The following UBR3 variants were observed in gnomAD, a reference collection of about 807,000 sequenced individuals.
UBR3 encodes the protein ubiquitin protein ligase E3 component n-recognin 3.
A neutral mutation model predicts 243.2 loss-of-function variants in UBR3; 85 were observed. That is an observed-to-expected ratio of 0.35 (90% CI 0.29 to 0.42). UBR3 has a LOEUF of 0.42. Ranked by LOEUF, UBR3 falls within the 10% of genes least tolerant of loss-of-function variation. The pLI, the probability that UBR3 is intolerant of heterozygous loss-of-function variation, is 1.00. For synonymous variants in UBR3, 748 were observed against 799.8 expected (o/e 0.94, Z 1.09); for missense variants, 1,686 against 2,300.8 (o/e 0.73, Z 5.47).
At chr2:169,853,949 C>G (rs908476867) in intron 1 of UBR3, among the ~76,000 whole-genome samples, 2 of 151,944 alleles carry the variant, frequency 1.3e-5, no homozygotes, top group Non-Finnish European at 2.9e-5. Flanking sequence ...CATGTTCTCA[C>G]TCATAAATGG....
At chr2:170,005,614 A>C (rs2089886809) in intron 27 of UBR3, among the ~76,000 whole-genome samples, 1 of 152,170 alleles carries the variant, frequency 6.6e-6, no homozygotes, top group Admixed American at 6.5e-5. Context: ...AGATGTTTAA[A>C]TTTAATATTT....
rs924962316 is a variant in UBR3, at chr2:169,907,588, T to C, written c.1779+1424T>C. Among the ~76,000 whole-genome samples, 4 of 152,122 alleles carry C rather than the reference T, an allele frequency of 2.6e-5. No homozygotes were observed. The South Asian group carries it at 8.3e-4, about 32-fold the overall frequency. ...TTTCGTGTTTCTAGACCCTTTCTAC[T>C]GTAATCTGTCTCAATACCAAAGTTA... On this transcript the variant is annotated intron_variant, in intron 10 of 38. Transcript: ENST00000272793.
At chr2:170,076,967 C>T (rs561834431) in intron 36 of UBR3, among the ~76,000 whole-genome samples, 21 of 152,294 alleles carry the variant, frequency 1.4e-4, no homozygotes, top group African/African-American at 3.9e-4. Flanking sequence ...CCAGGCAATG[C>T]GATAAGCCAC....
At chr2:169,970,350 T>G (rs2088064540) in intron 24 of UBR3, among the ~76,000 whole-genome samples, 1 of 149,122 alleles carries the variant, frequency 6.7e-6, no homozygotes, top group Admixed American at 6.7e-5. Context: ...TACTTTAAGT[T>G]CTAGGGTACA....
intron 1 of UBR3, among the ~76,000 whole-genome samples, chr2:169,834,970 A>C (rs1478140099): frequency 6.6e-5 from 10 of 152,226 alleles, no homozygotes; most frequent in Non-Finnish European, 1.5e-4. Flanking sequence ...GAATAGTCAA[A>C]TTCATACAGA....
At chr2:169,979,430 A>C (rs2088616635) in intron 24 of UBR3, among the ~76,000 whole-genome samples, 1 of 152,216 alleles carries the variant, frequency 6.6e-6, no homozygotes, top group Non-Finnish European at 1.5e-5. Context: ...ACTTATTTCC[A>C]CACAAAAAAT....
intron 25 of UBR3, among the ~76,000 whole-genome samples, chr2:169,993,472 AG>A (rs2089365431): frequency 1.3e-5 from 2 of 152,180 alleles, no homozygotes; most frequent in African/African-American, 2.4e-5. Context: ...CAGTTTCTCT[AG>A]CCCCTTTTTA....
chr2:170,068,490 A>T lies in UBR3; in HGVS notation c.5020-4938A>T, dbSNP rs114886937. 9.2e-3 allele frequency among the ~76,000 whole-genome samples: 1,404 copies of T among 152,210 alleles called. 24 individuals are homozygous for T. The highest frequency in any genetic ancestry group is 0.032 in the African/African-American group (1,314 of 41,532). ...CTCAAAAAAATTAAAAAATGAACGA[A>T]CGCATAAAAATTAAAAAGAAGAAAG... On this transcript the variant is annotated intron_variant, in intron 35 of 38. Transcript: ENST00000272793.
At position 169,872,277 on chromosome 2, in the gene UBR3, C is replaced by T; in HGVS notation, c.587C>T (p.Pro196Leu). The T allele has an allele frequency of 6.5e-7, 1 of 1,535,020 alleles. No individual in the cohort carries two copies. Among genetic ancestry groups the T allele is most frequent in the African/African-American group, 1.4e-5 (1 of 72,582 alleles). ...RHQIKSSSNI[P>L]CVPKDLLMMS... is the part of the protein sequence containing the mutation. ...CAAATTAAATCAAGTTCAAATATTC[C>T]CTGTGTCCCTAAAGACTTACTGATG... The change falls in exon 2 of 39, where the codon CCC becomes CTC. Residue 196 changes from proline (P) to leucine (L), a missense_variant. By Grantham distance (98) the Pro-to-Leu change is moderately conservative (BLOSUM62 -3). This residue lies in a region of UBR3 where 145 missense variants were observed against 243.8 expected (regional missense o/e 0.59). Transcript: ENST00000272793.
At chr2:170,037,514 A>G (rs1430598730) in intron 31 of UBR3, among the ~76,000 whole-genome samples, 2 of 151,928 alleles carry the variant, frequency 1.3e-5, no homozygotes, top group Non-Finnish European at 2.9e-5. Context: ...CAGCCTCCCA[A>G]ATAGCTGGGA....
chr2:169,942,859 C>T (rs545714283), intron 20 of UBR3, among the ~76,000 whole-genome samples: 68 of 152,174 alleles, frequency 4.5e-4, no homozygotes, highest in Non-Finnish European at 9.1e-4. Flanking sequence ...ATCTAGCTAC[C>T]GATAAAAGTA....
chr2:169,837,420 G>A (rs562055634), intron 1 of UBR3, among the ~76,000 whole-genome samples: 7 of 152,246 alleles, frequency 4.6e-5, no homozygotes, highest in Non-Finnish European at 1.0e-4. Context: ...AGGTTGCGGT[G>A]AGCCGCGATC....
intron 17 of UBR3, 68 bp from the exon 18 acceptor site, chr2:169,928,659 G>C: frequency 1.6e-6 from 2 of 1,281,778 alleles, no homozygotes; most frequent in Admixed American, 2.6e-5. Context: ...TGAGAAACTA[G>C]AGTACCTTGG....
Position 170,055,480 on chromosome 2 carries a change from A to G in UBR3, c.4681A>G (p.Lys1561Glu). 6.2e-7 allele frequency: 1 copy of G among 1,613,548 alleles called. No homozygotes were observed. ...LRKDHFTCIV[K>E]VLFTLLYTQA... Reference sequence around the variant, plus strand: ...TGCAGACCACTTTACCTGCATTGTGAAGGTACTTTTTACCCTACTGTACAC... The same window carrying G: ...TGCAGACCACTTTACCTGCATTGTGGAGGTACTTTTTACCCTACTGTACAC... The change falls in exon 33 of 39, where the codon AAG becomes GAG. Residue 1561 changes from lysine (K) to glutamate (E), a missense_variant. Coordinates refer to ENST00000272793, the MANE Select transcript of UBR3 (RefSeq NM_172070.4).
chr2:169,850,098 G>A (rs1414502206), intron 1 of UBR3, among the ~76,000 whole-genome samples: 1 of 151,830 alleles, frequency 6.6e-6, no homozygotes, highest in Non-Finnish European at 1.5e-5. Flanking sequence ...TTTCACAGTG[G>A]ACACACTTTG....
In UBR3 at chr2:170,082,614, A is replaced by C. The variant is rs1354992814; in HGVS notation, c.*771A>C. On this transcript the variant is annotated 3_prime_UTR_variant, in exon 39 of 39. Transcript: ENST00000272793. ...GGATGAATTACTAGAGGTAATAACA[A>C]ATCTTACTATGAAATCAAGAGGTTT... 1 of 152,796 alleles carries C rather than the reference A, an allele frequency of 6.5e-6. No individual in the cohort carries two copies. Among genetic ancestry groups the C allele is most frequent in the Non-Finnish European group, 1.5e-5 (1 of 68,058 alleles). 9.5% of individuals were successfully genotyped at this position (152,796 alleles called of 1,614,324 possible). A position where few individuals can be genotyped will look rare whatever the true frequency, so the allele number is the denominator to read the frequency against.
In UBR3 at chr2:169,891,218, C is replaced by CTA; in HGVS notation, c.1092_1093insTA (p.Ser365Ter). 6.5e-7 allele frequency: 1 copy of CTA among 1,549,042 alleles called. No individual in the cohort carries two copies. Among genetic ancestry groups the CTA allele is most frequent in the Non-Finnish European group, 8.7e-7 (1 of 1,145,220 alleles). ...GCAAGAGAAAAAGGGTAAAACTAAG[C>CTA]AGTGGCACCAAAGGTATTTGTATTT... On this transcript the variant is annotated frameshift_variant, in exon 6 of 39. Coordinates refer to ENST00000272793, the MANE Select transcript of UBR3 (RefSeq NM_172070.4). LOFTEE classifies it high-confidence loss of function.
In UBR3 at chr2:170,083,119, G is replaced by A. The variant is rs2091931992; in HGVS notation, c.*1276G>A. On this transcript the variant is annotated 3_prime_UTR_variant, in exon 39 of 39. Transcript: ENST00000272793. ...AATCCCTGGTACTTTGGACTTCCAT[G>A]GCTTGTTATATAAAATTACATTTTT... is the stretch of plus-strand genomic sequence containing the variant. The A allele has an allele frequency of 6.6e-6, 1 of 152,314 alleles. No homozygotes were observed. Among genetic ancestry groups the A allele is most frequent in the African/African-American group, 2.4e-5 (1 of 41,352 alleles). The allele number at this position is 152,314 out of a possible 1,614,324, so 9.4% of individuals were successfully genotyped here.
At position 170,055,494 on chromosome 2, in the gene UBR3, C is replaced by T. The variant is rs763992066; in HGVS notation, c.4695C>T (p.Thr1565=). ...CCTGCATTGTGAAGGTACTTTTTACCCTACTGTACACACAGGCTCTTGCAG... is the reference window on the plus strand; with the variant it reads ...CCTGCATTGTGAAGGTACTTTTTACTCTACTGTACACACAGGCTCTTGCAG... ...HFTCIVKVLF[T]LLYTQALAAL... is the part of the protein sequence containing the mutation. The change falls in exon 33 of 39, where the codon ACC becomes ACT. Residue 1565 remains threonine (T), a synonymous_variant. Transcript: ENST00000272793. 4.7e-5 allele frequency: 76 copies of T among 1,613,170 alleles called. 1 individual carries two copies. The Middle Eastern group carries it at 5.0e-4, about 11-fold the overall frequency.
Sources: allele counts gnomAD v4.1 joint callset (sites outside exome capture counted in the v4.1 genomes callset), GRCh38; gene constraint gnomAD v4.1.1; regional missense constraint gnomAD v4.1.1; transcripts MANE v1.5; gene names NCBI Gene and HGNC (gene_info 2026-07-23, HGNC 2026-07-21).